The following ANKRD9 variants were observed in gnomAD, a reference collection of about 807,000 sequenced individuals.
ANKRD9 encodes the protein ankyrin repeat domain-containing protein 9.
ANKRD9 carries 13 observed loss-of-function variants against 19.2 expected under a neutral mutation model. The ratio of observed to expected loss-of-function variants is 0.68; its 90% CI spans 0.44 to 1.08. The LOEUF (loss-of-function observed/expected upper bound fraction) is 1.08. Among genes scored for constraint, ANKRD9 ranks in the 50% least tolerant of loss-of-function variants. The probability of loss-of-function intolerance (pLI) is 0.00; values close to 1 mark genes in which losing one functional copy is unlikely to be tolerated. For missense variants in ANKRD9, 518 were observed against 499.9 expected (o/e 1.04, Z -0.34); for synonymous variants, 278 against 256.8 (o/e 1.08, Z -0.79).
At position 102,507,536 on chromosome 14, in the gene ANKRD9, C is replaced by A; in HGVS notation, c.354G>T (p.Ala118=). ...CCACGCGGTTGTAGCGCACTGCCAG[C>A]GCCACGTGCGGCCCGGGAGCCGCGC... ...RCCAAPGPHV[A]LAVRYNRVGI... is the part of the protein sequence containing the mutation. Residue 118 remains alanine, a synonymous_variant, in exon 4 of 4, where the codon GCG becomes GCT. Transcript: ENST00000286918. This position sits in a 1 kb window ranked among gnomAD's most constrained non-coding sequence, Gnocchi z 9.2. 1.5e-6 allele frequency: 2 copies of A among 1,338,274 alleles called. No homozygotes were observed. Among genetic ancestry groups the A allele is most frequent in the Non-Finnish European group, 1.9e-6 (2 of 1,044,738 alleles). The allele number at this position is 1,338,274 out of a possible 1,614,324, so 82.9% of individuals were successfully genotyped here.
chr14:102,507,434 G>C lies in ANKRD9; in HGVS notation c.456C>G (p.Gly152=). 7.2e-7 allele frequency: 1 copy of C among 1,387,540 alleles called. No homozygotes were observed. The allele number at this position is 1,387,540 out of a possible 1,614,324, so 86.0% of individuals were successfully genotyped here. A position where few individuals can be genotyped will look rare whatever the true frequency, so the allele number is the denominator to read the frequency against. ...TGCCACCGCCCTCCACGCGGCTGCAGCCACGCCGGTCCAGCACGCGCGCCC... is the reference window on the plus strand; with the variant it reads ...TGCCACCGCCCTCCACGCGGCTGCACCCACGCCGGTCCAGCACGCGCGCCC... ...EERARVLDRR[G]CSRVEGGGTS... Residue 152 remains glycine, a synonymous_variant, in exon 4 of 4, where the codon GGC becomes GGG. Coordinates refer to ENST00000286918, the MANE Select transcript of ANKRD9 (RefSeq NM_152326.4). The surrounding 1 kb of genome is among the most constrained non-coding windows in gnomAD (Gnocchi z 9.2).
rs188535480 is a variant in ANKRD9 at position 102,502,853 on chromosome 14, C to T, written c.*4083G>A. 2 of 152,256 alleles carry T rather than the reference C, an allele frequency of 1.3e-5. No individual in the cohort carries two copies. Among genetic ancestry groups the T allele is most frequent in the African/African-American group, 4.8e-5 (2 of 41,512 alleles). 9.4% of individuals were successfully genotyped at this position (152,256 alleles called of 1,614,324 possible). A position where few individuals can be genotyped will look rare whatever the true frequency, so the allele number is the denominator to read the frequency against. On this transcript the variant is annotated 3_prime_UTR_variant, in exon 4 of 4. Coordinates refer to ENST00000286918, the MANE Select transcript of ANKRD9 (RefSeq NM_152326.4). ...CGCTTGAGACAGTGTTTCCCTGCATCGTGGCCGGACCTCTCTACTCAATCC... is the reference window on the plus strand; with the variant it reads ...CGCTTGAGACAGTGTTTCCCTGCATTGTGGCCGGACCTCTCTACTCAATCC...
Position 102,507,565 on chromosome 14 carries a change from A to G in ANKRD9, c.325T>C (p.Cys109Arg). 1.5e-6 allele frequency: 2 copies of G among 1,360,734 alleles called. No homozygotes were observed. Among genetic ancestry groups the G allele is most frequent in the South Asian group, 1.6e-5 (1 of 63,554 alleles). The allele number at this position is 1,360,734 out of a possible 1,614,324, so 84.3% of individuals were successfully genotyped here. A position where few individuals can be genotyped will look rare whatever the true frequency, so the allele number is the denominator to read the frequency against. The change falls in exon 4 of 4, where the codon TGC becomes CGC. Residue 109 changes from cysteine to arginine, a missense_variant. Cys to Arg is a radical substitution (Grantham distance 180). Coordinates refer to ENST00000286918, the MANE Select transcript of ANKRD9 (RefSeq NM_152326.4). The surrounding 1 kb of genome is among the most constrained non-coding windows in gnomAD (Gnocchi z 9.2). ...ALAPPSAGFR[C>R]CAAPGPHVAL... is the part of the protein sequence containing the mutation. ...ACGTGCGGCCCGGGAGCCGCGCAGCAGCGGAAGCCGGCACTGGGCGGTGCG... is the reference window on the plus strand; with the variant it reads ...ACGTGCGGCCCGGGAGCCGCGCAGCGGCGGAAGCCGGCACTGGGCGGTGCG...
chr14:102,508,519 A>G lies in ANKRD9; in HGVS notation c.-98T>C, dbSNP rs1891684881. 1 of 152,150 alleles carries G rather than the reference A, an allele frequency of 6.6e-6. No homozygotes were observed. Among genetic ancestry groups the G allele is most frequent in the Non-Finnish European group, 1.5e-5 (1 of 68,066 alleles). 9.4% of individuals were successfully genotyped at this position (152,150 alleles called of 1,614,324 possible). The stretch of plus-strand genomic sequence containing the variant: ...CACCTAGTTCCGGGGATGTGGGTAT[A>G]TCACAGTCCCTGGCCGAGCCTCAGC... On this transcript the variant is annotated 5_prime_UTR_variant, in exon 3 of 4. Transcript: ENST00000286918. The surrounding 1 kb of genome is among the most constrained non-coding windows in gnomAD (Gnocchi z 6.2).
rs1218042800 is a variant in ANKRD9, at chr14:102,503,457, T to A, written c.*3479A>T. On this transcript the variant is annotated 3_prime_UTR_variant, in exon 4 of 4. Coordinates refer to ENST00000286918, the MANE Select transcript of ANKRD9 (RefSeq NM_152326.4). ...TGCCACCACGCCTGGCTAATTTTTTTATTTTTAGTAGAGACGGGGTTTCAT... is the reference window on the plus strand; with the variant it reads ...TGCCACCACGCCTGGCTAATTTTTTAATTTTTAGTAGAGACGGGGTTTCAT... 1 of 151,768 alleles carries A rather than the reference T, an allele frequency of 6.6e-6. No individual in the cohort carries two copies. The highest frequency in any genetic ancestry group is 2.4e-5 in the African/African-American group (1 of 41,284). 9.4% of individuals were successfully genotyped at this position (151,768 alleles called of 1,614,324 possible). A position where few individuals can be genotyped will look rare whatever the true frequency, so the allele number is the denominator to read the frequency against.
chr14:102,507,410 G>T lies in ANKRD9; in HGVS notation c.480C>A (p.Gly160=). 1 of 1,359,460 alleles carries T rather than the reference G, an allele frequency of 7.4e-7. No individual in the cohort carries two copies. Among genetic ancestry groups the T allele is most frequent in the Non-Finnish European group, 9.5e-7 (1 of 1,053,228 alleles). The allele number at this position is 1,359,460 out of a possible 1,614,324, so 84.2% of individuals were successfully genotyped here. ...GCTCACAGGCCACGTGCAGCGACGTGCCACCGCCCTCCACGCGGCTGCAGC... is the reference window on the plus strand; with the variant it reads ...GCTCACAGGCCACGTGCAGCGACGTTCCACCGCCCTCCACGCGGCTGCAGC... ...RRGCSRVEGG[G]TSLHVACELA... Residue 160 remains glycine, a synonymous_variant, in exon 4 of 4, where the codon GGC becomes GGA. Coordinates refer to ENST00000286918, the MANE Select transcript of ANKRD9 (RefSeq NM_152326.4). This position sits in a 1 kb window ranked among gnomAD's most constrained non-coding sequence, Gnocchi z 9.2.
rs1396147502 is a variant in ANKRD9 at position 102,507,346 on chromosome 14, C to T, written c.544G>A (p.Gly182Ser). Residue 182 changes from glycine to serine, a missense_variant, in exon 4 of 4, where the codon GGC (glycine) becomes AGC (serine). Gly to Ser is a moderately conservative substitution (Grantham distance 56). Transcript: ENST00000286918. This position sits in a 1 kb window ranked among gnomAD's most constrained non-coding sequence, Gnocchi z 9.2. ...PECLFLLLGH[G>S]ASPGLRDGGG... Reference sequence around the variant, plus strand: ...CCGTCCCGCAGACCGGGCGAGGCGCCGTGGCCCAGCAGCAGGAAGAGGCAC... The same window carrying T: ...CCGTCCCGCAGACCGGGCGAGGCGCTGTGGCCCAGCAGCAGGAAGAGGCAC... 3.0e-6 allele frequency: 4 copies of T among 1,323,452 alleles called. No individual in the cohort carries two copies. Among genetic ancestry groups the T allele is most frequent in the Non-Finnish European group, 2.9e-6 (3 of 1,033,382 alleles). 82.0% of individuals were successfully genotyped at this position (1,323,452 alleles called of 1,614,324 possible).
In ANKRD9 at chr14:102,506,280, G is replaced by A. The variant is rs1891586002; in HGVS notation, c.*656C>T. 6.6e-6 allele frequency: 1 copy of A among 152,308 alleles called. No individual in the cohort carries two copies. The highest frequency in any genetic ancestry group is 1.5e-5 in the Non-Finnish European group (1 of 68,094). 9.4% of individuals were successfully genotyped at this position (152,308 alleles called of 1,614,324 possible). A position where few individuals can be genotyped will look rare whatever the true frequency, so the allele number is the denominator to read the frequency against. ...CTGCCACTGCAGAGGTGAGAAGCAG[G>A]AGCAGCAAGACCTGGTGCCCATTAG... On this transcript the variant is annotated 3_prime_UTR_variant, in exon 4 of 4. Coordinates refer to ENST00000286918, the MANE Select transcript of ANKRD9 (RefSeq NM_152326.4).
rs1178629871 is a variant in ANKRD9 at position 102,502,727 on chromosome 14, G to C, written c.*4209C>G. 4 of 152,184 alleles carry C rather than the reference G, an allele frequency of 2.6e-5. No homozygotes were observed. The highest frequency in any genetic ancestry group is 9.7e-5 in the African/African-American group (4 of 41,434). The allele number at this position is 152,184 out of a possible 1,614,324, so 9.4% of individuals were successfully genotyped here. A position where few individuals can be genotyped will look rare whatever the true frequency, so the allele number is the denominator to read the frequency against. On this transcript the variant is annotated 3_prime_UTR_variant, in exon 4 of 4. Transcript: ENST00000286918. ...GAAAGAAACATATGCCAGAATGCTAGCAGTGCTTGTATGCGTGCAGATGAC... is the reference window on the plus strand; with the variant it reads ...GAAAGAAACATATGCCAGAATGCTACCAGTGCTTGTATGCGTGCAGATGAC...
rs1396147502 is a variant in ANKRD9 at position 102,507,346 on chromosome 14, C to G, written c.544G>C (p.Gly182Arg). ...PECLFLLLGH[G>R]ASPGLRDGGG... is the part of the protein sequence containing the mutation. ...CCGTCCCGCAGACCGGGCGAGGCGC[C>G]GTGGCCCAGCAGCAGGAAGAGGCAC... The change falls in exon 4 of 4, where the codon GGC (glycine) becomes CGC (arginine). Residue 182 changes from glycine to arginine, a missense_variant. By Grantham distance (125) the Gly-to-Arg change is moderately radical. Coordinates refer to ENST00000286918, the MANE Select transcript of ANKRD9 (RefSeq NM_152326.4). The surrounding 1 kb of genome is among the most constrained non-coding windows in gnomAD (Gnocchi z 9.2). 5 of 1,323,560 alleles carry G rather than the reference C, an allele frequency of 3.8e-6. No individual in the cohort carries two copies. The East Asian group carries it at 1.6e-4, about 43-fold the overall frequency. 82.0% of individuals were successfully genotyped at this position (1,323,560 alleles called of 1,614,324 possible). A position where few individuals can be genotyped will look rare whatever the true frequency, so the allele number is the denominator to read the frequency against.
chr14:102,504,330 G>GT lies in ANKRD9; in HGVS notation c.*2605dup, dbSNP rs1211688163. The GT allele has an allele frequency of 6.5e-6, 1 of 153,274 alleles. No homozygotes were observed. The highest frequency in any genetic ancestry group is 6.5e-5 in the Admixed American group (1 of 15,286). The allele number at this position is 153,274 out of a possible 1,614,324, so 9.5% of individuals were successfully genotyped here. On this transcript the variant is annotated 3_prime_UTR_variant, in exon 4 of 4. Transcript: ENST00000286918. ...CCAAGGTGCTTCACCCCCCAAAAAA[G>GT]TGAGTTTTGTTCTGCGTGGAGCGAT... is the stretch of plus-strand genomic sequence containing the variant.
In ANKRD9 at chr14:102,507,914, C is replaced by G; in HGVS notation, c.-25G>C. The G allele has an allele frequency of 9.0e-7, 1 of 1,105,466 alleles. No individual in the cohort carries two copies. The highest frequency in any genetic ancestry group is 1.1e-6 in the Non-Finnish European group (1 of 897,230). 68.5% of individuals were successfully genotyped at this position (1,105,466 alleles called of 1,614,324 possible). Reference sequence around the variant, plus strand: ...TGCTGGCGGCGGGGCGTTCCTGGGCCTCAAGGCATGGATCCCGCGAAGGCA... The same window carrying G: ...TGCTGGCGGCGGGGCGTTCCTGGGCGTCAAGGCATGGATCCCGCGAAGGCA... On this transcript the variant is annotated 5_prime_UTR_variant, in exon 4 of 4. Coordinates refer to ENST00000286918, the MANE Select transcript of ANKRD9 (RefSeq NM_152326.4). The surrounding 1 kb of genome is among the most constrained non-coding windows in gnomAD (Gnocchi z 9.2).
At position 102,507,785 on chromosome 14, in the gene ANKRD9, G is replaced by T. The variant is rs1401739569; in HGVS notation, c.105C>A (p.Phe35Leu). The T allele has an allele frequency of 1.4e-6, 2 of 1,453,038 alleles. No individual in the cohort carries two copies. Among genetic ancestry groups the T allele is most frequent in the East Asian group, 6.0e-5 (2 of 33,566 alleles). The allele number at this position is 1,453,038 out of a possible 1,614,324, so 90.0% of individuals were successfully genotyped here. The change falls in exon 4 of 4, where the codon TTC becomes TTA. Residue 35 changes from phenylalanine (F) to leucine (L), a missense_variant. Coordinates refer to ENST00000286918, the MANE Select transcript of ANKRD9 (RefSeq NM_152326.4). The surrounding 1 kb of genome is among the most constrained non-coding windows in gnomAD (Gnocchi z 9.2). Reference sequence around the variant, plus strand: ...GGTCGCGCACCGCCTGGTAGAAGGCGAACGACGACTTGCGGCACTGCTTCT... The same window carrying T: ...GGTCGCGCACCGCCTGGTAGAAGGCTAACGACGACTTGCGGCACTGCTTCT... ...RAQKQCRKSS[F>L]AFYQAVRDLL...
chr14:102,508,067 G>C lies in ANKRD9; in HGVS notation c.-53-125C>G, dbSNP rs993957684. 1.2e-5 allele frequency: 7 copies of C among 576,422 alleles called. No homozygotes were observed. The highest frequency in any genetic ancestry group is 7.6e-4 in the Middle Eastern group (1 of 1,320). 35.7% of individuals were successfully genotyped at this position (576,422 alleles called of 1,614,324 possible). The stretch of plus-strand genomic sequence containing the variant: ...CAGGCCTGTACCTACCTCCAGCCTC[G>C]GCCAGGCCCTTCCAGTCACCCTACA... On this transcript the variant is annotated intron_variant, in intron 3 of 3. Transcript: ENST00000286918. This position sits in a 1 kb window ranked among gnomAD's most constrained non-coding sequence, Gnocchi z 6.2.
rs191977340 is a variant in ANKRD9 at position 102,503,624 on chromosome 14, A to G, written c.*3312T>C. 3 of 152,254 alleles carry G rather than the reference A, an allele frequency of 2.0e-5. No homozygotes were observed. The highest frequency in any genetic ancestry group is 7.2e-5 in the African/African-American group (3 of 41,528). The allele number at this position is 152,254 out of a possible 1,614,324, so 9.4% of individuals were successfully genotyped here. ...TGCAGTGGTGATTACACACATGTAG[A>G]CATTCATCAGAACTCATCAAAGTAT... On this transcript the variant is annotated 3_prime_UTR_variant, in exon 4 of 4. Transcript: ENST00000286918.
chr14:102,507,989 AGGC>A lies in ANKRD9; in HGVS notation c.-53-50_-53-48del. ...ACGGTGAGGCGCGGGGAAACTGGGG[AGGC>A]CCGGGGACTCCCCTCTGCCCCTCAC... On this transcript the variant is annotated intron_variant, in intron 3 of 3. Transcript: ENST00000286918. The surrounding 1 kb of genome is among the most constrained non-coding windows in gnomAD (Gnocchi z 9.2). The A allele has an allele frequency of 9.5e-7, 1 of 1,055,712 alleles. No homozygotes were observed. The highest frequency in any genetic ancestry group is 1.2e-6 in the Non-Finnish European group (1 of 866,238). 65.4% of individuals were successfully genotyped at this position (1,055,712 alleles called of 1,614,324 possible). A position where few individuals can be genotyped will look rare whatever the true frequency, so the allele number is the denominator to read the frequency against.
chr14:102,508,131 C>T lies in ANKRD9; in HGVS notation c.-53-189G>A, dbSNP rs193111796. ...GACGCCCAGAACCACCGCCTCCATC[C>T]TTGATCTAGCTGTACCTGTTCTCCC... On this transcript the variant is annotated intron_variant, in intron 3 of 3. Coordinates refer to ENST00000286918, the MANE Select transcript of ANKRD9 (RefSeq NM_152326.4). The surrounding 1 kb of genome is among the most constrained non-coding windows in gnomAD (Gnocchi z 6.2). 2.6e-5 allele frequency among the ~76,000 whole-genome samples: 4 copies of T among 152,274 alleles called. No homozygotes were observed. The highest frequency in any genetic ancestry group is 4.1e-4 in the South Asian group (2 of 4,826).
In ANKRD9 at chr14:102,505,243, C is replaced by T. The variant is rs1891553926; in HGVS notation, c.*1693G>A. The T allele has an allele frequency of 6.6e-6, 1 of 152,120 alleles. No homozygotes were observed. Among genetic ancestry groups the T allele is most frequent in the Non-Finnish European group, 1.5e-5 (1 of 68,120 alleles). 9.4% of individuals were successfully genotyped at this position (152,120 alleles called of 1,614,324 possible). On this transcript the variant is annotated 3_prime_UTR_variant, in exon 4 of 4. Transcript: ENST00000286918. ...CAGCTGCGCCAGGCCACTCCTGTCT[C>T]CACTTCCATACCCTCCAAAGGAGAG...
chr14:102,501,820 G>A lies in ANKRD9; in HGVS notation c.*5116C>T, dbSNP rs918893884. 16 of 152,188 alleles carry A rather than the reference G, an allele frequency of 1.1e-4. No individual in the cohort carries two copies. Among genetic ancestry groups the A allele is most frequent in the African/African-American group, 2.7e-4 (11 of 41,434 alleles). The allele number at this position is 152,188 out of a possible 1,614,324, so 9.4% of individuals were successfully genotyped here. A position where few individuals can be genotyped will look rare whatever the true frequency, so the allele number is the denominator to read the frequency against. On this transcript the variant is annotated 3_prime_UTR_variant, in exon 4 of 4. Transcript: ENST00000286918. ...ATAGGAGGAGCACTTCGAGTCGAGTGTAAGGGCCCTTCACAAAAGCAGAAG... is the reference window on the plus strand; with the variant it reads ...ATAGGAGGAGCACTTCGAGTCGAGTATAAGGGCCCTTCACAAAAGCAGAAG...
Sources: gnomAD v4.1 joint callset for allele counts (sites outside exome capture counted in the v4.1 genomes callset) on GRCh38, gnomAD v4.1.1 for gene constraint, Gnocchi (gnomAD v3.1) non-coding constraint, MANE v1.5 for transcripts, NCBI Gene and HGNC (gene_info 2026-07-23, HGNC 2026-07-21) for gene names.